Variants in FERMT3 observed in about 807,000 individuals in gnomAD.
FERMT3 encodes FERM domain containing kindlin 3, also known as fermitin family homolog 3.
Under a neutral mutation model 80.8 loss-of-function variants are expected in FERMT3, and 33 were observed. The ratio of observed to expected loss-of-function variants is 0.41; its 90% CI spans 0.31 to 0.55. The LOEUF is 0.55. Among genes scored for constraint, FERMT3 ranks in the 20% least tolerant of loss-of-function variants. The probability of loss-of-function intolerance (pLI) is 0.31; values close to 1 mark genes in which losing one functional copy is unlikely to be tolerated. For synonymous variants in FERMT3, 375 were observed against 372.2 expected (o/e 1.01, Z -0.09); for missense variants, 754 against 908.7 (o/e 0.83, Z 2.19).
chr11:64,207,402 A>T lies in FERMT3; in HGVS notation c.38A>T (p.Asp13Val). 1 of 1,613,778 alleles carries T rather than the reference A, an allele frequency of 6.2e-7. No homozygotes were observed. The highest frequency in any genetic ancestry group is 8.5e-7 in the Non-Finnish European group (1 of 1,179,930). The change falls in exon 2 of 15, where the codon GAC becomes GTC. Residue 13 changes from aspartate (D) to valine (V), a missense_variant. Coordinates refer to ENST00000345728, the MANE Select transcript of FERMT3 (RefSeq NM_031471.6). Reference protein sequence around the residue: ...GMKTASGDYIDSSWELRVFVG... With the variant: ...GMKTASGDYIVSSWELRVFVG... ...AAGACAGCCTCCGGGGACTACATCG[A>T]CTCGTCATGGGAGCTGCGGGTGTTT...
intron 6 of FERMT3, among the ~76,000 whole-genome samples, chr11:64,218,032 C>G (rs1454092904): frequency 2.5e-5 from 3 of 120,040 alleles, no homozygotes; most frequent in Admixed American, 1.2e-4. Flanking sequence ...GTGACGGAGT[C>G]TCGCTCTGTC....
At chr11:64,222,968 C>T (rs1338810675) in intron 13 of FERMT3, 80 bp from the exon 14 acceptor site, 4 of 1,590,102 alleles carry the variant, frequency 2.5e-6, no homozygotes, top group East Asian at 2.2e-5. Flanking sequence ...GCTGGCTCTC[C>T]AGCACGGCGC....
chr11:64,213,775 T>C (rs1240002205), intron 6 of FERMT3, among the ~76,000 whole-genome samples: 4 of 151,902 alleles, frequency 2.6e-5, no homozygotes, highest in Admixed American at 2.6e-4. Flanking sequence ...TTGGTCAGAC[T>C]GGTCTCGAAC....
chr11:64,211,651 G>A lies in FERMT3; in HGVS notation c.690G>A (p.Leu230=). ...TGCTTCTGCCGCGGCCCAGGTGGCT[G>A]GACTCGTCGCGGTGTCTCATGCAGC... ...SDKTQLHSRW[L]DSSRCLMQQG... Residue 230 remains leucine (L), a synonymous_variant, in exon 6 of 15, where the codon CTG becomes CTA. Coordinates refer to ENST00000345728, the MANE Select transcript of FERMT3 (RefSeq NM_031471.6). The surrounding 1 kb of genome is among the most constrained non-coding windows in gnomAD (Gnocchi z 4.7). 1.2e-6 allele frequency: 2 copies of A among 1,613,956 alleles called. No homozygotes were observed. Among genetic ancestry groups the A allele is most frequent in the Non-Finnish European group, 8.5e-7 (1 of 1,180,006 alleles).
At chr11:64,223,248 G>A (rs967004545) in intron 14 of FERMT3, 59 bp downstream of exon 14, 2 of 1,612,920 alleles carry the variant, frequency 1.2e-6, no homozygotes, top group Admixed American at 1.7e-5. Flanking sequence ...GCTGGATCCA[G>A]CCAGGGTGGG....
In FERMT3 at chr11:64,211,161, C is replaced by T. The variant is rs1249958884; in HGVS notation, c.504C>T (p.Val168=). The change falls in exon 4 of 15, where the codon GTC becomes GTT. Residue 168 remains valine (V), a synonymous_variant. Coordinates refer to ENST00000345728, the MANE Select transcript of FERMT3 (RefSeq NM_031471.6). This position sits in a 1 kb window ranked among gnomAD's most constrained non-coding sequence, Gnocchi z 4.7. ...AGCTCTATGACTTGAGCAAGGTTGT[C>T]TTGGCTGGGGGTGAGTGCAAGTGGG... ...EEELYDLSKV[V]LAGGVAPALF... The T allele has an allele frequency of 1.6e-6, 2 of 1,275,186 alleles. No individual in the cohort carries two copies. The highest frequency in any genetic ancestry group is 5.0e-5 in the Admixed American group (2 of 39,970). 79.0% of individuals were successfully genotyped at this position (1,275,186 alleles called of 1,614,324 possible). A position where few individuals can be genotyped will look rare whatever the true frequency, so the allele number is the denominator to read the frequency against.
intron 6 of FERMT3, among the ~76,000 whole-genome samples, chr11:64,217,113 C>T (rs1004849941): frequency 1.3e-5 from 2 of 152,270 alleles, no homozygotes; most frequent in East Asian, 1.9e-4. Flanking sequence ...CACTCTTTGT[C>T]GGGCATTTCT....
chr11:64,218,097 G>A (rs1425301441), intron 6 of FERMT3, among the ~76,000 whole-genome samples: 3 of 139,896 alleles, frequency 2.1e-5, no homozygotes, highest in Non-Finnish European at 4.5e-5. Context: ...TCCGCCTCCC[G>A]GGTTCACGCC....
Position 64,223,237 on chromosome 11 carries a change from A to G in FERMT3, c.1812+48A>G, listed in dbSNP as rs772432987. ...TGGATGGGGGACAGGTGCAGGCCGG[A>G]GCTGGATCCAGCCAGGGTGGGGCAG... On this transcript the variant is annotated intron_variant, in intron 14 of 14. Transcript: ENST00000345728. 5 of 1,613,112 alleles carry G rather than the reference A, an allele frequency of 3.1e-6. No individual in the cohort carries two copies. In the South Asian group the frequency reaches 5.5e-5, roughly 18 times the overall value.
chr11:64,208,062 G>A (rs1046434691), intron 2 of FERMT3, among the ~76,000 whole-genome samples: 1 of 152,072 alleles, frequency 6.6e-6, no homozygotes, highest in African/African-American at 2.4e-5. Context: ...CCCTTCCTGA[G>A]AGAGCAGCAG....
chr11:64,220,299 G>C lies in FERMT3; in HGVS notation c.1284G>C (p.Met428Ile). The change falls in exon 11 of 15, where the codon ATG becomes ATC. Residue 428 changes from methionine to isoleucine, a missense_variant. Met to Ile is a conservative substitution (Grantham distance 10). Coordinates refer to ENST00000345728, the MANE Select transcript of FERMT3 (RefSeq NM_031471.6). ...IKLLVPSPEG[M>I]SEIYLRCQDE... Reference sequence around the variant, plus strand: ...TCCTAGTGCCCTCCCCTGAGGGCATGAGTGAGATCTACCTGCGGTGCCAGG... The same window carrying C: ...TCCTAGTGCCCTCCCCTGAGGGCATCAGTGAGATCTACCTGCGGTGCCAGG... 1.2e-6 allele frequency: 2 copies of C among 1,613,680 alleles called. No homozygotes were observed. The highest frequency in any genetic ancestry group is 1.7e-6 in the Non-Finnish European group (2 of 1,179,770).
chr11:64,212,532 A>C (rs948987940), intron 6 of FERMT3, among the ~76,000 whole-genome samples: 1 of 152,154 alleles, frequency 6.6e-6, no homozygotes, highest in Non-Finnish European at 1.5e-5. Context: ...TCTCCAGGCT[A>C]TCTGTTCCCT....
Position 64,219,670 on chromosome 11 carries a change from C to T in FERMT3, c.1029+12C>T, listed in dbSNP as rs1215901545. On this transcript the variant is annotated intron_variant, in intron 8 of 14. Coordinates refer to ENST00000345728, the MANE Select transcript of FERMT3 (RefSeq NM_031471.6). The surrounding 1 kb of genome is among the most constrained non-coding windows in gnomAD (Gnocchi z 4.0). Reference sequence around the variant, plus strand: ...CCACAGATGTGCTGGTGAGGAGGGGCTCAGGGCAGGGGCTGGGCAGGGAGA... The same window carrying T: ...CCACAGATGTGCTGGTGAGGAGGGGTTCAGGGCAGGGGCTGGGCAGGGAGA... 3.7e-6 allele frequency: 6 copies of T among 1,613,572 alleles called. No individual in the cohort carries two copies. Among genetic ancestry groups the T allele is most frequent in the Non-Finnish European group, 5.1e-6 (6 of 1,179,950 alleles).
rs750935351 is a variant in FERMT3 at position 64,211,195 on chromosome 11, T to TG, written c.514+30dup. Reference sequence around the variant, plus strand: ...GGGTGAGTGCAAGTGGGGGTGGGCCTGGGGGGTTGGGGGCAGGGGCCGGCC... The same window carrying TG: ...GGGTGAGTGCAAGTGGGGGTGGGCCTGGGGGGGTTGGGGGCAGGGGCCGGCC... On this transcript the variant is annotated intron_variant, in intron 4 of 14. Transcript: ENST00000345728. The surrounding 1 kb of genome is among the most constrained non-coding windows in gnomAD (Gnocchi z 4.7). The TG allele has an allele frequency of 1.5e-5, 2 of 137,134 alleles. No homozygotes were observed. Among genetic ancestry groups the TG allele is most frequent in the Non-Finnish European group, 1.9e-5 (2 of 107,174 alleles). The allele number at this position is 137,134 out of a possible 1,614,324, so 8.5% of individuals were successfully genotyped here. A position where few individuals can be genotyped will look rare whatever the true frequency, so the allele number is the denominator to read the frequency against.
Position 64,219,843 on chromosome 11 carries a change from G to A in FERMT3, c.1080-48G>A. The A allele has an allele frequency of 1.2e-6, 2 of 1,613,912 alleles. No homozygotes were observed. Among genetic ancestry groups the A allele is most frequent in the Non-Finnish European group, 1.7e-6 (2 of 1,180,014 alleles). On this transcript the variant is annotated intron_variant, in intron 9 of 14. Transcript: ENST00000345728. The surrounding 1 kb of genome is among the most constrained non-coding windows in gnomAD (Gnocchi z 4.0). The stretch of plus-strand genomic sequence containing the variant: ...TGCTGGAGGGGTTGGTCTGCATATG[G>A]AGGGAGGGGGTGAGGCGGCCTTTCA...
Position 64,210,970 on chromosome 11 carries a change from G to C in FERMT3, c.395-82G>C. 1.2e-6 allele frequency: 2 copies of C among 1,607,466 alleles called. No individual in the cohort carries two copies. The highest frequency in any genetic ancestry group is 1.7e-5 in the Admixed American group (1 of 59,244). On this transcript the variant is annotated intron_variant, in intron 3 of 14. Coordinates refer to ENST00000345728, the MANE Select transcript of FERMT3 (RefSeq NM_031471.6). This position sits in a 1 kb window ranked among gnomAD's most constrained non-coding sequence, Gnocchi z 4.3. ...GGGTTGCCACCCTGCCTGCAGGGCT[G>C]TGACCCGCCCCAAGCACCCATGGGT...
At position 64,219,551 on chromosome 11, in the gene FERMT3, G is replaced by A. The variant is rs748770309; in HGVS notation, c.922G>A (p.Gly308Arg). 60 of 1,610,972 alleles carry A rather than the reference G, an allele frequency of 3.7e-5. No homozygotes were observed. The highest frequency in any genetic ancestry group is 1.8e-4 in the Admixed American group (11 of 59,746). ...QYHINKLSQS[G>R]EVGEPAGTDP... is the part of the protein sequence containing the mutation. ...CCACATCAACAAGCTGTCCCAGAGC[G>A]GGGAGGTGGGGGAGCCGGCTGGCAC... The change falls in exon 8 of 15, where the codon GGG (glycine) becomes AGG (arginine). Residue 308 changes from glycine to arginine, a missense_variant. Coordinates refer to ENST00000345728, the MANE Select transcript of FERMT3 (RefSeq NM_031471.6). The surrounding 1 kb of genome is among the most constrained non-coding windows in gnomAD (Gnocchi z 4.0).
chr11:64,219,894 C>A lies in FERMT3; in HGVS notation c.1083C>A (p.Pro361=), dbSNP rs752494649. 40 of 1,613,850 alleles carry A rather than the reference C, an allele frequency of 2.5e-5. No homozygotes were observed. The highest frequency in any genetic ancestry group is 3.4e-5 in the Non-Finnish European group (40 of 1,180,028). Residue 361 remains proline, a synonymous_variant, in exon 10 of 15, where the codon CCC becomes CCA. Coordinates refer to ENST00000345728, the MANE Select transcript of FERMT3 (RefSeq NM_031471.6). This position sits in a 1 kb window ranked among gnomAD's most constrained non-coding sequence, Gnocchi z 4.0. ...CAAACCCCAGCATCCCACGAAGGCC[C>A]CGGAAGCTGACCCTGAAGGGCTACC... ...ELKDHLRIFR[P]RKLTLKGYRQ...
chr11:64,212,649 T>G (rs2134851819), intron 6 of FERMT3, among the ~76,000 whole-genome samples: 1 of 151,944 alleles, frequency 6.6e-6, no homozygotes, highest in Non-Finnish European at 1.5e-5. Flanking sequence ...TACACTTGCT[T>G]GGGGGGTGGC....
Sources: gnomAD v4.1 joint callset for allele counts (sites outside exome capture counted in the v4.1 genomes callset) on GRCh38, gnomAD v4.1.1 for gene constraint, Gnocchi (gnomAD v3.1) non-coding constraint, MANE v1.5 for transcripts, NCBI Gene and HGNC (gene_info 2026-07-23, HGNC 2026-07-21) for gene names.